The following CFAP97D2 variants were observed in gnomAD, a reference collection of about 807,000 sequenced individuals.
CFAP97D2 encodes the protein uncharacterized protein CFAP97D2.
At chr13:114,208,505 C>T (rs2080951791) in intron 3 of CFAP97D2, among the ~76,000 whole-genome samples, 1 of 152,014 alleles carries the variant, frequency 6.6e-6, no homozygotes, top group African/African-American at 2.4e-5. Flanking sequence ...ATAACAGAAC[C>T]CTGCAGCAGG....
intron 3 of CFAP97D2, among the ~76,000 whole-genome samples, chr13:114,206,993 C>T (rs2080943514): frequency 6.6e-6 from 1 of 152,058 alleles, no homozygotes; most frequent in South Asian, 2.1e-4. Context: ...ATTGAAATGC[C>T]AACAAAAAGG....
At chr13:114,212,105 C>T in intron 4 of CFAP97D2, 1 of 398,562 alleles carries the variant, frequency 2.5e-6, no homozygotes, top group East Asian at 3.6e-5. Context: ...CAAAAAGGTA[C>T]CCGCACCTTC....
chr13:114,195,927 A>C (rs1384204621), intron 1 of CFAP97D2, among the ~76,000 whole-genome samples: 1 of 151,748 alleles, frequency 6.6e-6, no homozygotes, highest in African/African-American at 2.4e-5. Context: ...AAAAAAAAAA[A>C]AAAAAACTAG....
intron 4 of CFAP97D2, among the ~76,000 whole-genome samples, chr13:114,219,137 G>A (rs977562661): frequency 6.6e-6 from 1 of 152,146 alleles, no homozygotes; most frequent in Admixed American, 6.5e-5. Context: ...ATCTGACAAA[G>A]GGCTAATATC....
intron 4 of CFAP97D2, among the ~76,000 whole-genome samples, chr13:114,214,722 G>A (rs2080985840): frequency 6.6e-6 from 1 of 152,000 alleles, no homozygotes; most frequent in Non-Finnish European, 1.5e-5. Flanking sequence ...CAGTAGCTGG[G>A]GTTATAGGCA....
In CFAP97D2 at chr13:114,187,328, T is replaced by C. The variant is rs1594514022; in HGVS notation, c.90+7908T>C. ...TATGATAGCTATTTATCCAACTATA[T>C]TAATCACTTTGTAAGAGTAGATTAA... On this transcript the variant is annotated intron_variant, in intron 1 of 4. Coordinates refer to ENST00000646158, the Ensembl canonical transcript of CFAP97D2. This position sits in a 1 kb window ranked among gnomAD's most constrained non-coding sequence, Gnocchi z 4.2. Among the ~76,000 whole-genome samples the C allele has an allele frequency of 6.6e-6, 1 of 152,004 alleles. No homozygotes were observed. The highest frequency in any genetic ancestry group is 1.5e-5 in the Non-Finnish European group (1 of 68,014).
At position 114,198,927 on chromosome 13, in the gene CFAP97D2, T is replaced by C. The variant is rs71217094; in HGVS notation, c.172-1398T>C. Among the ~76,000 whole-genome samples the C allele has an allele frequency of 1.1e-4, 4 of 36,510 alleles. 1 individual carries two copies. Among genetic ancestry groups the C allele is most frequent in the South Asian group, 2.4e-3 (2 of 842 alleles). 24.0% of individuals were successfully genotyped at this position (36,510 alleles called of 152,430 possible). A position where few individuals can be genotyped will look rare whatever the true frequency, so the allele number is the denominator to read the frequency against. On this transcript the variant is annotated intron_variant, in intron 2 of 4. Transcript: ENST00000646158. ...CGAGGGGTGACGGCGCGTCCCCGTG[T>C]GTACGGTCCCCGCTGAGGTGTGATG...
Position 114,189,728 on chromosome 13 carries a change from A to T in CFAP97D2, c.91-6668A>T, listed in dbSNP as rs1208227417. ...CTAAAAAAAGAAAAATCACATGATC[A>T]TATCAGTAGATGCAGAGAAAGCATT... On this transcript the variant is annotated intron_variant, in intron 1 of 4. Coordinates refer to ENST00000646158, the Ensembl canonical transcript of CFAP97D2. This position sits in a 1 kb window ranked among gnomAD's most constrained non-coding sequence, Gnocchi z 4.5. Among the ~76,000 whole-genome samples, 3 of 107,866 alleles carry T rather than the reference A, an allele frequency of 2.8e-5. No homozygotes were observed. In the East Asian group the frequency reaches 8.9e-4, roughly 32 times the overall value. The allele number at this position is 107,866 out of a possible 152,430, so 70.8% of individuals were successfully genotyped here.
At chr13:114,208,066 C>T (rs534555889) in intron 3 of CFAP97D2, among the ~76,000 whole-genome samples, 57 of 152,334 alleles carry the variant, frequency 3.7e-4, no homozygotes, top group Admixed American at 5.9e-4. Flanking sequence ...ACTCTGCCGT[C>T]TCTCCCAGCT....
intron 4 of CFAP97D2, among the ~76,000 whole-genome samples, chr13:114,218,576 C>T (rs2081006084): frequency 6.6e-6 from 1 of 152,126 alleles, no homozygotes; most frequent in Non-Finnish European, 1.5e-5. Context: ...AAAGACAATC[C>T]TAAGCCAAAA....
At chr13:114,202,629 G>A (rs1001358797) in intron 3 of CFAP97D2, among the ~76,000 whole-genome samples, 4 of 152,196 alleles carry the variant, frequency 2.6e-5, no homozygotes, top group South Asian at 2.1e-4. Flanking sequence ...TAGTCGAAGG[G>A]CCTTCTTCCT....
Position 114,198,507 on chromosome 13 carries a change from C to T in CFAP97D2, c.172-1818C>T, listed in dbSNP as rs117699910. Among the ~76,000 whole-genome samples, 3 of 152,362 alleles carry T rather than the reference C, an allele frequency of 2.0e-5. No homozygotes were observed. In the East Asian group the frequency reaches 5.8e-4, roughly 29 times the overall value. ...AAAAAGATTTCCTCATTAGCACCAC[C>T]GCCACATGTTACTTTTGGAGGGTCA... On this transcript the variant is annotated intron_variant, in intron 2 of 4. Transcript: ENST00000646158.
chr13:114,184,378 TC>T (rs1294552407), intron 1 of CFAP97D2, among the ~76,000 whole-genome samples: 10 of 152,298 alleles, frequency 6.6e-5, no homozygotes, highest in African/African-American at 2.4e-4. Context: ...AAGCCACAGA[TC>T]CAAGAGGTTC....
chr13:114,193,405 TCA>T (rs1262110790), intron 1 of CFAP97D2, among the ~76,000 whole-genome samples: 2 of 152,186 alleles, frequency 1.3e-5, no homozygotes, highest in African/African-American at 4.8e-5. Context: ...ATTTTATTTC[TCA>T]CAGTTCCAGA....
rs958947863 is a variant in CFAP97D2, at chr13:114,203,536, A to T, written c.290+3093A>T. 9.2e-5 allele frequency among the ~76,000 whole-genome samples: 14 copies of T among 152,364 alleles called. 1 individual carries two copies. The highest frequency in any genetic ancestry group is 3.4e-4 in the African/African-American group (14 of 41,594). On this transcript the variant is annotated intron_variant, in intron 3 of 4. Coordinates refer to ENST00000646158, the Ensembl canonical transcript of CFAP97D2. This position sits in a 1 kb window ranked among gnomAD's most constrained non-coding sequence, Gnocchi z 4.3. ...TCAGCTGAAACTGGGTACTTGTCAC[A>T]TGACCAGGAAAATCTAGGCACACGA...
exon 3 of CFAP97D2, chr13:114,200,337 C>T (rs1594517871): frequency 5.0e-6 from 2 of 398,522 alleles, no homozygotes; most frequent in Non-Finnish European, 8.8e-6. Context: ...GGAGGAGGAA[C>T]GGCTCTCCGT....
At chr13:114,212,974 C>T (rs1344165624) in intron 4 of CFAP97D2, among the ~76,000 whole-genome samples, 2 of 152,198 alleles carry the variant, frequency 1.3e-5, no homozygotes, top group Non-Finnish European at 2.9e-5. Flanking sequence ...GAGTTTGTCC[C>T]ACAATTTAAG....
chr13:114,206,020 C>T (rs1393675454), intron 3 of CFAP97D2, among the ~76,000 whole-genome samples: 3 of 152,030 alleles, frequency 2.0e-5, no homozygotes, highest in African/African-American at 4.8e-5. Context: ...TCTGCATTGC[C>T]GAGCTGGGAA....
intron 2 of CFAP97D2, among the ~76,000 whole-genome samples, chr13:114,198,162 T>C (rs79596834): frequency 0.055 from 8,343 of 151,518 alleles, 742 homozygotes; most frequent in African/African-American, 0.19. Flanking sequence ...TAATTTTTTG[T>C]ATTTTAGTAG....
Sources: allele counts gnomAD v4.1 joint callset (sites outside exome capture counted in the v4.1 genomes callset), GRCh38; gene constraint gnomAD v4.1.1; non-coding constraint Gnocchi (gnomAD v3.1); transcripts MANE v1.5; gene names NCBI Gene and HGNC (gene_info 2026-07-23, HGNC 2026-07-21).